Variants in IFT52 observed in about 807,000 individuals in gnomAD.
The protein encoded by IFT52 is intraflagellar transport protein 52 homolog.
Under a neutral mutation model 54.4 loss-of-function variants are expected in IFT52, and 44 were observed. That is an observed-to-expected ratio of 0.81 (90% CI 0.63 to 1.04). The LOEUF is 1.04. IFT52 is among the 50% of genes least tolerant of loss of function. IFT52 has a pLI of 0.00. For synonymous variants in IFT52, 181 were observed against 185.3 expected, an observed-to-expected ratio of 0.98 and a Z score of 0.19; for missense variants, 452 against 523.6, an observed-to-expected ratio of 0.86 and a Z score of 1.33.
intron 2 of IFT52, among the ~76,000 whole-genome samples, chr20:43,595,334 A>G (rs1022115604): frequency 2.7e-5 from 4 of 150,532 alleles, no homozygotes; most frequent in Non-Finnish European, 4.4e-5. Flanking sequence ...AAAAAAAAAA[A>G]AAAAGAAAGA....
Position 43,613,960 on chromosome 20 carries a change from C to T in IFT52, c.596C>T (p.Ala199Val). Reference sequence around the variant, plus strand: ...TTCCCACTTAACAGACCCATTTTGGCTTTCTATCACTCAAAGGTACAGCTT... The same window carrying T: ...TTCCCACTTAACAGACCCATTTTGGTTTTCTATCACTCAAAGGTACAGCTT... ...VCFPLNRPILAFYHSKNQGGK... is the reference protein window; with the variant it reads ...VCFPLNRPILVFYHSKNQGGK... The change falls in exon 7 of 14, where the codon GCT (alanine) becomes GTT (valine). Residue 199 changes from alanine (A) to valine (V), a missense_variant. Coordinates refer to ENST00000373030, the MANE Select transcript of IFT52 (RefSeq NM_016004.5). 1 of 1,613,674 alleles carries T rather than the reference C, an allele frequency of 6.2e-7. No homozygotes were observed. Among genetic ancestry groups the T allele is most frequent in the African/African-American group, 1.3e-5 (1 of 75,026 alleles).
At chr20:43,601,989 C>T (rs1019272249) in intron 3 of IFT52, among the ~76,000 whole-genome samples, 1 of 152,062 alleles carries the variant, frequency 6.6e-6, no homozygotes, top group Non-Finnish European at 1.5e-5. Flanking sequence ...CACATGATCT[C>T]TCCACTCAAG....
intron 11 of IFT52, 41 bp from the exon 12 acceptor site, chr20:43,637,104 A>T: frequency 7.7e-7 from 1 of 1,298,220 alleles, no homozygotes; most frequent in South Asian, 1.2e-5. Context: ...CCTTTACCTT[A>T]TCCTCCCTCA....
chr20:43,607,795 C>T (rs1421364619), intron 6 of IFT52, among the ~76,000 whole-genome samples: 2 of 152,044 alleles, frequency 1.3e-5, no homozygotes, highest in South Asian at 2.1e-4. Context: ...CCAAGACAGG[C>T]GGCTGGGAGG....
intron 3 of IFT52, among the ~76,000 whole-genome samples, chr20:43,599,717 C>T (rs762593659): frequency 6.6e-6 from 1 of 152,186 alleles, no homozygotes; most frequent in Non-Finnish European, 1.5e-5. Context: ...ACAGGACAGA[C>T]ATCATATGTC....
At chr20:43,599,841 AG>A (rs1275102215) in intron 3 of IFT52, among the ~76,000 whole-genome samples, 4 of 152,190 alleles carry the variant, frequency 2.6e-5, no homozygotes, top group Non-Finnish European at 5.9e-5. Flanking sequence ...AGTTACGACC[AG>A]GTAACCACGT....
chr20:43,601,239 T>C (rs1218274089), intron 3 of IFT52, among the ~76,000 whole-genome samples: 1 of 152,180 alleles, frequency 6.6e-6, no homozygotes, highest in East Asian at 1.9e-4. Flanking sequence ...ATGGTTTAAA[T>C]GCCTCCACTG....
chr20:43,646,784 T>A (rs536424601), intron 13 of IFT52, 152 bp from the exon 14 acceptor site: 1 of 669,334 alleles, frequency 1.5e-6, no homozygotes, highest in Non-Finnish European at 2.6e-6. Context: ...CAAAATTTGA[T>A]CCTTGGGTTG....
intron 8 of IFT52, among the ~76,000 whole-genome samples, 190 bp downstream of exon 8, chr20:43,619,216 G>C (rs1338854010): frequency 6.6e-6 from 1 of 151,562 alleles, no homozygotes; most frequent in Non-Finnish European, 1.5e-5. Flanking sequence ...GTAATACACT[G>C]AGAGAGAGAG....
At chr20:43,617,777 C>A (rs539839516) in intron 7 of IFT52, among the ~76,000 whole-genome samples, 1 of 151,550 alleles carries the variant, frequency 6.6e-6, no homozygotes, top group East Asian at 2.0e-4. Context: ...GAGTCTTACT[C>A]TGTTGCCCAG....
chr20:43,625,200 G>A (rs1282501242), intron 10 of IFT52, among the ~76,000 whole-genome samples: 2 of 152,036 alleles, frequency 1.3e-5, no homozygotes, highest in Admixed American at 1.3e-4. Context: ...GGGAGTGCCA[G>A]GCACATTGCA....
chr20:43,597,715 G>A (rs1284433624), intron 3 of IFT52, among the ~76,000 whole-genome samples: 1 of 152,078 alleles, frequency 6.6e-6, no homozygotes, highest in African/African-American at 2.4e-5. Flanking sequence ...CCAACATGGT[G>A]AAACCTCATC....
At chr20:43,646,382 A>G (rs184727931) in intron 13 of IFT52, among the ~76,000 whole-genome samples, 130 of 152,178 alleles carry the variant, frequency 8.5e-4, no homozygotes, top group Non-Finnish European at 1.5e-3. Context: ...CCGGATGCTC[A>G]TTTGGCAGTG....
intron 10 of IFT52, among the ~76,000 whole-genome samples, chr20:43,629,783 C>T (rs1985031288): frequency 6.6e-6 from 1 of 152,204 alleles, no homozygotes; most frequent in Non-Finnish European, 1.5e-5. Flanking sequence ...CTCATCTCCC[C>T]TTCCTTCAAT....
intron 7 of IFT52, among the ~76,000 whole-genome samples, chr20:43,618,736 G>A (rs558036267): frequency 2.1e-3 from 316 of 152,002 alleles, no homozygotes; most frequent in African/African-American, 7.2e-3. Flanking sequence ...CGCCTGCCTC[G>A]GCCTCCCAAA....
chr20:43,615,205 G>A (rs147909639), intron 7 of IFT52, among the ~76,000 whole-genome samples: 3,632 of 151,920 alleles, frequency 0.024, 142 homozygotes, highest in African/African-American at 0.082. Flanking sequence ...ACCACACCCT[G>A]CTAATTTTTG....
At chr20:43,607,430 G>A (rs540966945) in intron 6 of IFT52, among the ~76,000 whole-genome samples, 58 of 149,948 alleles carry the variant, frequency 3.9e-4, no homozygotes, top group South Asian at 1.9e-3. Flanking sequence ...GCTGCCGGGC[G>A]GAGGGGCTCC....
rs1195021639 is a variant in IFT52, at chr20:43,645,880, G to C, written c.1267-1056G>C. 4.1e-5 allele frequency among the ~76,000 whole-genome samples: 2 copies of C among 48,454 alleles called. 1 individual carries two copies. Among genetic ancestry groups the C allele is most frequent in the Non-Finnish European group, 9.5e-5 (2 of 21,120 alleles). 31.8% of individuals were successfully genotyped at this position (48,454 alleles called of 152,430 possible). On this transcript the variant is annotated intron_variant, in intron 13 of 13. Transcript: ENST00000373030. Reference sequence around the variant, plus strand: ...ACCCTGTTTAAAAAAAAAAAAAAAAGATAGTGTTTAATTTTTATTTTCCTT... The same window carrying C: ...ACCCTGTTTAAAAAAAAAAAAAAAACATAGTGTTTAATTTTTATTTTCCTT...
At chr20:43,639,768 G>C (rs962683173) in intron 12 of IFT52, among the ~76,000 whole-genome samples, 2 of 151,988 alleles carry the variant, frequency 1.3e-5, no homozygotes, top group African/African-American at 4.8e-5. Context: ...GGGCCCAAGA[G>C]TTGGAGGCTG....
Sources: gnomAD v4.1 joint callset for allele counts (sites outside exome capture counted in the v4.1 genomes callset) on GRCh38, gnomAD v4.1.1 for gene constraint, MANE v1.5 for transcripts, NCBI Gene and HGNC (gene_info 2026-07-23, HGNC 2026-07-21) for gene names.